Variants in CSMD1 observed in about 807,000 individuals in gnomAD.
The protein encoded by CSMD1 is CUB and Sushi multiple domains 1.
Under a neutral mutation model 417.5 loss-of-function variants are expected in CSMD1, and 213 were observed. The observed-to-expected ratio is 0.51, with a 90% CI of 0.46 to 0.57. CSMD1 has a LOEUF of 0.57. CSMD1 is among the 20% of genes least tolerant of loss of function. The probability of loss-of-function intolerance (pLI) is 0.00; values close to 1 mark genes in which losing one functional copy is unlikely to be tolerated. For synonymous variants in CSMD1, 2,862 were observed against 1,736.8 expected (o/e 1.65, Z -16.11); for missense variants, 6,923 against 4,529.7 (o/e 1.53, Z -15.17).
At chr8:3,453,669 C>G (rs932519695) in intron 12 of CSMD1, among the ~76,000 whole-genome samples, 2 of 152,148 alleles carry the variant, frequency 1.3e-5, no homozygotes, top group African/African-American at 4.8e-5. Context: ...GCACTGTGGT[C>G]TGAGAGACAG....
At chr8:4,428,349 T>G (rs144676085) in intron 2 of CSMD1, among the ~76,000 whole-genome samples, 1 of 152,206 alleles carries the variant, frequency 6.6e-6, no homozygotes, top group South Asian at 2.1e-4. Flanking sequence ...TAGTACCTAC[T>G]AGGGATTAAA....
At position 4,608,403 on chromosome 8, in the gene CSMD1, T is replaced by C. The variant is rs1253365923; in HGVS notation, c.302+28939A>G. 8.5e-5 allele frequency among the ~76,000 whole-genome samples: 13 copies of C among 152,306 alleles called. No individual in the cohort carries two copies. In the South Asian group the frequency reaches 2.5e-3, roughly 29 times the overall value. ...GGCAGAGGGCTCGACAAAAGGATGC[T>C]TTCTCAATCTATCTTGAAAGTGGAC... On this transcript the variant is annotated intron_variant, in intron 2 of 69. Coordinates refer to ENST00000635120, the MANE Select transcript of CSMD1 (RefSeq NM_033225.6).
chr8:4,648,149 C>T (rs1803653623), intron 1 of CSMD1, among the ~76,000 whole-genome samples: 1 of 152,146 alleles, frequency 6.6e-6, no homozygotes, highest in Non-Finnish European at 1.5e-5. Flanking sequence ...TTTTGATTTG[C>T]GTTTCTCTGA....
Position 3,406,146 on chromosome 8 carries a change from C to T in CSMD1, c.2147G>A (p.Gly716Glu), listed in dbSNP as rs1812329362. 2.5e-6 allele frequency: 4 copies of T among 1,613,650 alleles called. No homozygotes were observed. The highest frequency in any genetic ancestry group is 4.5e-5 in the East Asian group (2 of 44,834). The change falls in exon 15 of 70, where the codon GGG becomes GAG. Residue 716 changes from glycine to glutamate, a missense_variant. Coordinates refer to ENST00000635120, the MANE Select transcript of CSMD1 (RefSeq NM_033225.6). The part of the protein sequence containing the change: ...GRRFGDRFLL[G>E]SSVSFHCDDG... ...ATCACAGTGGAAAGAAACCGAGCTC[C>T]CGAGTAGAAACCTGTCACCAAAACG...
chr8:4,133,578 G>T (rs549094382), intron 3 of CSMD1, among the ~76,000 whole-genome samples: 3 of 152,050 alleles, frequency 2.0e-5, no homozygotes, highest in Non-Finnish European at 4.4e-5. Flanking sequence ...GTGCATTAAC[G>T]CCGATATGTG....
At chr8:4,070,729 G>C (rs1393480024) in intron 3 of CSMD1, among the ~76,000 whole-genome samples, 1 of 152,030 alleles carries the variant, frequency 6.6e-6, no homozygotes, top group Non-Finnish European at 1.5e-5. Flanking sequence ...TGAAGCCCGA[G>C]CAACCATCTC....
At chr8:3,307,344 C>T (rs570715125) in intron 25 of CSMD1, among the ~76,000 whole-genome samples, 1 of 152,102 alleles carries the variant, frequency 6.6e-6, no homozygotes, top group African/African-American at 2.4e-5. Context: ...TAAGGAAGGT[C>T]ATCCTGGACT....
chr8:3,659,454 C>T (rs1798300078), intron 7 of CSMD1, among the ~76,000 whole-genome samples: 1 of 152,160 alleles, frequency 6.6e-6, no homozygotes, highest in Admixed American at 6.5e-5. Flanking sequence ...ACTTAGTTTT[C>T]AAATCTCCGA....
At chr8:4,122,308 G>C (rs138552540) in intron 3 of CSMD1, among the ~76,000 whole-genome samples, 3 of 152,184 alleles carry the variant, frequency 2.0e-5, no homozygotes, top group African/African-American at 7.2e-5. Flanking sequence ...AGACAGCTTT[G>C]ATGACCAAAT....
chr8:3,615,132 G>A (rs1032578918), intron 8 of CSMD1, among the ~76,000 whole-genome samples: 2 of 152,056 alleles, frequency 1.3e-5, no homozygotes, highest in African/African-American at 4.8e-5. Context: ...CTGCCAGCTG[G>A]TGCATCCACA....
intron 14 of CSMD1, 66 bp downstream of exon 14, chr8:3,407,833 T>C (rs1812448345): frequency 1.4e-6 from 2 of 1,395,986 alleles, no homozygotes; most frequent in East Asian, 2.5e-5. Flanking sequence ...CACATACATA[T>C]AAGCAAAATG....
chr8:4,300,420 T>C (rs1197345438), intron 3 of CSMD1, among the ~76,000 whole-genome samples: 3 of 152,228 alleles, frequency 2.0e-5, no homozygotes, highest in Non-Finnish European at 2.9e-5. Context: ...TAAGCGATGA[T>C]GCCAGGCATT....
intron 12 of CSMD1, 40 bp from the exon 13 acceptor site, chr8:3,409,645 C>A (rs892630725): frequency 2.0e-6 from 3 of 1,468,054 alleles, no homozygotes; most frequent in Admixed American, 2.1e-5. Context: ...AAAAAACACA[C>A]ACAAGGAATA....
chr8:4,278,182 T>C (rs1235790016), intron 3 of CSMD1, among the ~76,000 whole-genome samples: 2 of 152,198 alleles, frequency 1.3e-5, no homozygotes, highest in African/African-American at 4.8e-5. Flanking sequence ...ACATTCACAA[T>C]TTATATATAA....
chr8:4,954,072 C>G (rs751956905), intron 1 of CSMD1, among the ~76,000 whole-genome samples: 1 of 152,146 alleles, frequency 6.6e-6, no homozygotes, highest in African/African-American at 2.4e-5. Context: ...AATTCATAAA[C>G]ATTTCTTCCA....
intron 23 of CSMD1, among the ~76,000 whole-genome samples, chr8:3,326,155 C>A (rs907235363): frequency 1.1e-4 from 17 of 152,176 alleles, no homozygotes; most frequent in African/African-American, 4.1e-4. Context: ...GGACGTTCGA[C>A]AACATCATAC....
At position 4,912,135 on chromosome 8, in the gene CSMD1, A is replaced by AAAAAAAAAAAAAAAAAAAG. The variant is rs765904838; in HGVS notation, c.85+82196_85+82197insCTTTTTTTTTTTTTTTTTT. On this transcript the variant is annotated intron_variant, in intron 1 of 69. Coordinates refer to ENST00000635120, the MANE Select transcript of CSMD1 (RefSeq NM_033225.6). Reference sequence around the variant, plus strand: ...TCAACATAGCTTCAAAAAAAAAAAAAAAAAAAGAAAGAAAGAAAAGAAAAG... The same window carrying AAAAAAAAAAAAAAAAAAAG: ...TCAACATAGCTTCAAAAAAAAAAAAAAAAAAAAAAAAAAAAAAAGAAAAAAGAAAGAAAGAAAAGAAAAG... Among the ~76,000 whole-genome samples the AAAAAAAAAAAAAAAAAAAG allele has an allele frequency of 8.0e-4, 93 of 115,548 alleles. 1 individual carries two copies. The highest frequency in any genetic ancestry group is 2.4e-3 in the African/African-American group (81 of 34,230). 75.8% of individuals were successfully genotyped at this position (115,548 alleles called of 152,430 possible).
chr8:4,027,400 G>A (rs79138093), intron 4 of CSMD1, among the ~76,000 whole-genome samples: 10,255 of 152,100 alleles, frequency 0.067, 427 homozygotes, highest in East Asian at 0.14. Flanking sequence ...CCATGAGTTG[G>A]GGAGGCACAT....
chr8:3,588,331 A>AACT (rs57181211), intron 8 of CSMD1, among the ~76,000 whole-genome samples: 1 of 151,744 alleles, frequency 6.6e-6, no homozygotes, highest in Admixed American at 6.6e-5. Context: ...GAAAACAAAA[A>AACT]GTCATAAAGC....
Sources: allele counts gnomAD v4.1 joint callset (sites outside exome capture counted in the v4.1 genomes callset), GRCh38; gene constraint gnomAD v4.1.1; transcripts MANE v1.5; gene names NCBI Gene and HGNC (gene_info 2026-07-23, HGNC 2026-07-21).